Variants in RRH observed in about 807,000 individuals in gnomAD.
RRH encodes retinal pigment epithelium-derived rhodopsin homolog, also known as visual pigment-like receptor peropsin.
Under a neutral mutation model 33.1 loss-of-function variants are expected in RRH, and 36 were observed. The ratio of observed to expected loss-of-function variants is 1.09; its 90% confidence interval spans 0.83 to 1.44. RRH has a LOEUF of 1.44. RRH is among the 40% of genes most tolerant of loss of function. The pLI, the probability that RRH is intolerant of heterozygous loss-of-function variation, is 0.00. For missense variants in RRH, 393 were observed against 420.2 expected (o/e 0.94, Z 0.57); for synonymous variants, 124 against 140.2 (o/e 0.88, Z 0.82).
chr4:109,833,414 A>G (rs1733803963), intron 2 of RRH, 85 bp downstream of exon 2: 1 of 1,063,296 alleles, frequency 9.4e-7, no homozygotes, highest in African/African-American at 1.6e-5. Context: ...CCAAGAGTTT[A>G]AATTGAATAT....
At chr4:109,835,958 A>G in intron 3 of RRH, 49 bp from the exon 4 acceptor site, 6 of 1,607,020 alleles carry the variant, frequency 3.7e-6, no homozygotes, top group Non-Finnish European at 5.1e-6. Flanking sequence ...TTAAAAAGTG[A>G]GTCCCATTAA....
chr4:109,835,692 G>A (rs1479569093), intron 3 of RRH, among the ~76,000 whole-genome samples: 2 of 152,058 alleles, frequency 1.3e-5, no homozygotes, highest in Non-Finnish European at 2.9e-5. Flanking sequence ...CCAAAGTGAG[G>A]TTTTCATACC....
intron 5 of RRH, among the ~76,000 whole-genome samples, chr4:109,839,904 T>C (rs1259242178): frequency 1.3e-5 from 2 of 152,224 alleles, no homozygotes; most frequent in African/African-American, 4.8e-5. Context: ...ATGATTGCTA[T>C]TGTGAATAGT....
chr4:109,844,286 A>AC lies in RRH; in HGVS notation c.*90dup. ...ATGAGCCCATTTAGATCAAGTGCAG[A>AC]CATGGATCATTGTCCTATGAGAGTG... is the stretch of plus-strand genomic sequence containing the variant. On this transcript the variant is annotated 3_prime_UTR_variant, in exon 7 of 7. Transcript: ENST00000317735. 1 of 822,990 alleles carries AC rather than the reference A, an allele frequency of 1.2e-6. No homozygotes were observed. Among genetic ancestry groups the AC allele is most frequent in the South Asian group, 1.4e-5 (1 of 73,364 alleles). 51.0% of individuals were successfully genotyped at this position (822,990 alleles called of 1,614,324 possible). A position where few individuals can be genotyped will look rare whatever the true frequency, so the allele number is the denominator to read the frequency against.
At chr4:109,832,017 C>T (rs1042942620) in intron 1 of RRH, among the ~76,000 whole-genome samples, 1 of 151,800 alleles carries the variant, frequency 6.6e-6, no homozygotes, top group African/African-American at 2.4e-5. Context: ...AACTGTCCCT[C>T]TCTGACAATA....
chr4:109,832,294 A>T (rs1350334127), intron 1 of RRH, among the ~76,000 whole-genome samples: 1 of 150,250 alleles, frequency 6.7e-6, no homozygotes, highest in Non-Finnish European at 1.5e-5. Context: ...AAACAGTGGC[A>T]TTCTGGTTAA....
In RRH at chr4:109,844,883, A is replaced by G. The variant is rs550845003; in HGVS notation, c.*686A>G. Among the ~76,000 whole-genome samples the G allele has an allele frequency of 6.5e-4, 99 of 152,300 alleles. No homozygotes were observed. Among genetic ancestry groups the G allele is most frequent in the Non-Finnish European group, 1.2e-3 (79 of 68,016 alleles). On this transcript the variant is annotated 3_prime_UTR_variant, in exon 7 of 7. Transcript: ENST00000317735. ...TTGTTCTTTGATGTATCCTTAGCAC[A>G]TATACCCAATTCTGTCTGGCATGTA...
intron 2 of RRH, 89 bp downstream of exon 2, chr4:109,833,418 T>G: frequency 3.8e-6 from 4 of 1,042,524 alleles, no homozygotes. Flanking sequence ...GAGTTTAAAT[T>G]GAATATTGTA....
rs1259763138 is a variant in RRH at position 109,828,115 on chromosome 4, A to T, written c.88A>T (p.Thr30Ser). 6.2e-7 allele frequency: 1 copy of T among 1,610,236 alleles called. No individual in the cohort carries two copies. The highest frequency in any genetic ancestry group is 8.5e-7 in the Non-Finnish European group (1 of 1,176,774). ...FSQTEHNIVA[T>S]YLIMAGMISI... is the part of the protein sequence containing the mutation. ...ACAGACTGAACACAATATTGTTGCA[A>T]CTTACTTGATTATGGCAGGTATGGA... Residue 30 changes from threonine to serine, a missense_variant, in exon 1 of 7, where the codon ACT (threonine) becomes TCT (serine). Physicochemically the swap from Thr to Ser is moderately conservative, Grantham distance 58. Coordinates refer to ENST00000317735, the MANE Select transcript of RRH (RefSeq NM_006583.5).
chr4:109,831,900 C>T (rs1733763539), intron 1 of RRH, among the ~76,000 whole-genome samples: 1 of 152,042 alleles, frequency 6.6e-6, no homozygotes, highest in Admixed American at 6.6e-5. Flanking sequence ...AGGAAAAGAA[C>T]AGGAATCTGG....
Position 109,842,512 on chromosome 4 carries a change from C to A in RRH, c.764C>A (p.Pro255His). 1 of 1,614,094 alleles carries A rather than the reference C, an allele frequency of 6.2e-7. No individual in the cohort carries two copies. The highest frequency in any genetic ancestry group is 2.2e-5 in the East Asian group (1 of 44,870). ...MICMFLVAWSPYSIVCLWASF... is the reference protein window; with the variant it reads ...MICMFLVAWSHYSIVCLWASF... Reference sequence around the variant, plus strand: ...TGCATGTTTCTGGTGGCATGGTCCCCTTATTCCATCGTGTGCTTATGGGCT... The same window carrying A: ...TGCATGTTTCTGGTGGCATGGTCCCATTATTCCATCGTGTGCTTATGGGCT... The change falls in exon 6 of 7, where the codon CCT becomes CAT. Residue 255 changes from proline (P) to histidine (H), a missense_variant. By Grantham distance (77) the Pro-to-His change is moderately conservative. Transcript: ENST00000317735.
chr4:109,842,095 C>A lies in RRH; in HGVS notation c.721-374C>A, dbSNP rs187061085. On this transcript the variant is annotated intron_variant, in intron 5 of 6. Transcript: ENST00000317735. Reference sequence around the variant, plus strand: ...GGTGATAATAATAATAATAGCCATGCCAGGAGTTCATAGCATAATGATGTG... The same window carrying A: ...GGTGATAATAATAATAATAGCCATGACAGGAGTTCATAGCATAATGATGTG... 2.5e-3 allele frequency among the ~76,000 whole-genome samples: 378 copies of A among 152,032 alleles called. 1 individual carries two copies. The highest frequency in any genetic ancestry group is 8.5e-3 in the African/African-American group (351 of 41,480).
At chr4:109,838,423 C>T (rs1192700948) in intron 5 of RRH, among the ~76,000 whole-genome samples, 1 of 152,162 alleles carries the variant, frequency 6.6e-6, no homozygotes, top group East Asian at 1.9e-4. Flanking sequence ...AGCCAACATC[C>T]TCAGGCCTCC....
At chr4:109,832,273 A>G (rs1280322659) in intron 1 of RRH, among the ~76,000 whole-genome samples, 3 of 149,234 alleles carry the variant, frequency 2.0e-5, no homozygotes, top group African/African-American at 7.4e-5. Flanking sequence ...AGTATTTCTC[A>G]GTGTAAAATA....
At chr4:109,836,891 C>CAAAAA (rs56989659) in intron 4 of RRH, among the ~76,000 whole-genome samples, 1,408 of 84,314 alleles carry the variant, frequency 0.017, 129 homozygotes, top group African/African-American at 0.079. Context: ...CCTGTCTCTA[C>CAAAAA]AAAAAAAAAA....
At chr4:109,829,828 G>T (rs940017724) in intron 1 of RRH, among the ~76,000 whole-genome samples, 3 of 152,118 alleles carry the variant, frequency 2.0e-5, no homozygotes, top group Middle Eastern at 3.2e-3. Flanking sequence ...TGTTGTTTGT[G>T]TTTCTGGTGG....
In RRH at chr4:109,837,506, C is replaced by A; in HGVS notation, c.621C>A (p.Tyr207Ter). ...NFIVPLTVMFYCYYHVTLSIK... is the reference protein window; with the variant it reads ...NFIVPLTVMF Reference sequence around the variant, plus strand: ...TTGTGCCCTTGACAGTGATGTTTTACTGCTATTACCATGTCACGCTATCCA... The same window carrying A: ...TTGTGCCCTTGACAGTGATGTTTTAATGCTATTACCATGTCACGCTATCCA... Residue 207 changes from tyrosine to a stop codon, truncating the protein, a stop_gained, in exon 5 of 7, where the codon TAC becomes TAA. Transcript: ENST00000317735. LOFTEE classifies it high-confidence loss of function. The A allele has an allele frequency of 6.2e-7, 1 of 1,613,180 alleles. No individual in the cohort carries two copies. Among genetic ancestry groups the A allele is most frequent in the Non-Finnish European group, 8.5e-7 (1 of 1,179,128 alleles).
At chr4:109,836,891 CAA>C (rs56989659) in intron 4 of RRH, among the ~76,000 whole-genome samples, 3,533 of 84,296 alleles carry the variant, frequency 0.042, 122 homozygotes, top group East Asian at 0.25. Flanking sequence ...CCTGTCTCTA[CAA>C]AAAAAAAAAA....
rs1734049443 is a variant in RRH, at chr4:109,844,736, G to A, written c.*539G>A. The A allele has an allele frequency of 6.5e-6, 1 of 153,398 alleles. No individual in the cohort carries two copies. Among genetic ancestry groups the A allele is most frequent in the Non-Finnish European group, 1.5e-5 (1 of 68,916 alleles). 9.5% of individuals were successfully genotyped at this position (153,398 alleles called of 1,614,324 possible). ...TAAGTCAATGCATATATATTATATAGCATTATGACCCCTGTGCATATTTTG... is the reference window on the plus strand; with the variant it reads ...TAAGTCAATGCATATATATTATATAACATTATGACCCCTGTGCATATTTTG... On this transcript the variant is annotated 3_prime_UTR_variant, in exon 7 of 7. Coordinates refer to ENST00000317735, the MANE Select transcript of RRH (RefSeq NM_006583.5).
Sources: gnomAD v4.1 joint callset for allele counts (sites outside exome capture counted in the v4.1 genomes callset) on GRCh38, gnomAD v4.1.1 for gene constraint, MANE v1.5 for transcripts, NCBI Gene and HGNC (gene_info 2026-07-23, HGNC 2026-07-21) for gene names.